NAV3: variants seen among roughly 807,000 people sequenced by gnomAD.
The protein encoded by NAV3 is neuron navigator 3.
In NAV3, 87 loss-of-function variants were observed where a neutral mutation model predicts 244.7. The ratio of observed to expected loss-of-function variants is 0.36; its 90% CI spans 0.30 to 0.42. The LOEUF (loss-of-function observed/expected upper bound fraction) is 0.42, where lower values mean the gene tolerates loss of function less well. Ranked by LOEUF, NAV3 falls within the 20% of genes least tolerant of loss-of-function variation. NAV3 has a pLI of 1.00. For synonymous variants in NAV3, 1,126 were observed against 1,042.2 expected, an observed-to-expected ratio of 1.08 and a Z score of -1.55; for missense variants, 2,663 against 2,893.3, an observed-to-expected ratio of 0.92 and a Z score of 1.83.
At chr12:77,651,541 A>G (rs1260144162) in intron 2 of NAV3, among the ~76,000 whole-genome samples, 1 of 152,130 alleles carries the variant, frequency 6.6e-6, no homozygotes, top group Non-Finnish European at 1.5e-5. Context: ...TAAACCTTGT[A>G]TGTTATTGGT....
chr12:78,200,547 T>A lies in NAV3; in HGVS notation c.6790T>A (p.Ser2264Thr), dbSNP rs753405168. The A allele has an allele frequency of 1.3e-6, 2 of 1,599,140 alleles. No homozygotes were observed. The highest frequency in any genetic ancestry group is 2.3e-5 in the South Asian group (2 of 88,702). The change falls in exon 38 of 40, where the codon TCT becomes ACT. Residue 2264 changes from serine to threonine, a missense_variant. Coordinates refer to ENST00000397909, the MANE Select transcript of NAV3 (RefSeq NM_001024383.2). Reference sequence around the variant, plus strand: ...ATGGTTCATGGATCTCTGGAACTATTCTTTAGTACCTTATATTCTGGAGGC... The same window carrying A: ...ATGGTTCATGGATCTCTGGAACTATACTTTAGTACCTTATATTCTGGAGGC... Reference protein sequence around the residue: ...RVWFMDLWNYSLVPYILEAVR... With the variant: ...RVWFMDLWNYTLVPYILEAVR...
upstream of NAV3, among the ~76,000 whole-genome samples, chr12:77,828,812 T>A (rs1873290490): frequency 6.6e-6 from 1 of 152,220 alleles, no homozygotes. Flanking sequence ...TCTTATTGAA[T>A]GTGAATCCTT....
intron 2 of NAV3, among the ~76,000 whole-genome samples, chr12:77,807,488 A>T (rs1160288677): frequency 2.6e-5 from 4 of 152,226 alleles, no homozygotes; most frequent in African/African-American, 9.6e-5. Flanking sequence ...TTCTGTAAGA[A>T]TATTGAATAT....
At chr12:78,063,139 G>C (rs1292040176) in intron 12 of NAV3, among the ~76,000 whole-genome samples, 1 of 152,130 alleles carries the variant, frequency 6.6e-6, no homozygotes, top group Non-Finnish European at 1.5e-5. Context: ...AAGGAAAAAT[G>C]AGGACTTTCA....
At chr12:77,830,294 G>A (rs1349019674), upstream of NAV3, among the ~76,000 whole-genome samples, 1 of 152,108 alleles carries the variant, frequency 6.6e-6, no homozygotes, top group Admixed American at 6.6e-5. Context: ...TAAAAGACAG[G>A]TTTACAAACT....
chr12:77,670,666 A>G (rs1036943362), intron 2 of NAV3, among the ~76,000 whole-genome samples: 1 of 152,186 alleles, frequency 6.6e-6, no homozygotes, highest in African/African-American at 2.4e-5. Context: ...ACACCGCTTA[A>G]GCAGAATTAA....
At chr12:78,151,070 A>T (rs991488910) in intron 22 of NAV3, among the ~76,000 whole-genome samples, 5 of 151,870 alleles carry the variant, frequency 3.3e-5, no homozygotes, top group African/African-American at 1.2e-4. Context: ...ATTTAAAAAA[A>T]AATAAAAATA....
intron 8 of NAV3, among the ~76,000 whole-genome samples, 180 bp from the exon 9 acceptor site, chr12:78,021,567 G>A (rs1485947219): frequency 6.6e-6 from 1 of 152,080 alleles, no homozygotes; most frequent in Non-Finnish European, 1.5e-5. Flanking sequence ...TCCCACTTAG[G>A]TTGTGTATGA....
chr12:77,870,363 CA>C (rs34447700), intron 1 of NAV3, among the ~76,000 whole-genome samples: 46,336 of 109,228 alleles, frequency 0.42, 8,079 homozygotes, highest in Middle Eastern at 0.56. Context: ...GACTCCATCT[CA>C]AAAAAAAAAA....
At chr12:78,095,501 A>C (rs562162379) in intron 12 of NAV3, among the ~76,000 whole-genome samples, 1 of 152,332 alleles carries the variant, frequency 6.6e-6, no homozygotes, top group Admixed American at 6.5e-5. Flanking sequence ...AACCTTAGGC[A>C]AAGATCAGAC....
chr12:78,097,347 G>T (rs915747616), intron 12 of NAV3, among the ~76,000 whole-genome samples: 1 of 152,144 alleles, frequency 6.6e-6, no homozygotes, highest in Non-Finnish European at 1.5e-5. Context: ...GTTTGTGCTA[G>T]AAAATATAAA....
chr12:78,097,806 T>C (rs1447308514), intron 12 of NAV3, among the ~76,000 whole-genome samples: 1 of 152,164 alleles, frequency 6.6e-6, no homozygotes, highest in Admixed American at 6.5e-5. Flanking sequence ...TTGTTGAGCT[T>C]TATCTAAGCT....
chr12:77,668,595 G>C (rs1377821191), intron 2 of NAV3, among the ~76,000 whole-genome samples: 1 of 151,914 alleles, frequency 6.6e-6, no homozygotes, highest in Non-Finnish European at 1.5e-5. Context: ...AAAGAAAAAA[G>C]AATAAAGAAT....
intron 2 of NAV3, among the ~76,000 whole-genome samples, chr12:77,594,745 A>G (rs1378290669): frequency 6.6e-6 from 1 of 152,238 alleles, no homozygotes; most frequent in Non-Finnish European, 1.5e-5. Context: ...ATACAGTAGA[A>G]TAATCATTTT....
chr12:77,621,225 C>T (rs1303635478), intron 2 of NAV3, among the ~76,000 whole-genome samples: 2 of 152,144 alleles, frequency 1.3e-5, no homozygotes, highest in Non-Finnish European at 2.9e-5. Flanking sequence ...TGTTAAATCC[C>T]ATGGGATAGT....
At chr12:77,764,000 T>A (rs1052297818) in intron 2 of NAV3, among the ~76,000 whole-genome samples, 1 of 152,192 alleles carries the variant, frequency 6.6e-6, no homozygotes, top group Non-Finnish European at 1.5e-5. Context: ...CTCGTTTTCC[T>A]GGTTGTGAAG....
At chr12:78,067,732 C>G (rs1885186526) in intron 12 of NAV3, among the ~76,000 whole-genome samples, 1 of 152,064 alleles carries the variant, frequency 6.6e-6, no homozygotes, top group South Asian at 2.1e-4. Flanking sequence ...AACACTACAA[C>G]TGGCCCAAGT....
intron 2 of NAV3, among the ~76,000 whole-genome samples, chr12:77,669,837 A>G (rs1751506666): frequency 6.6e-6 from 1 of 152,120 alleles, no homozygotes; most frequent in Non-Finnish European, 1.5e-5. Context: ...AAACTATACA[A>G]CAAATGGACT....
chr12:77,897,328 G>C (rs951275462), intron 1 of NAV3, among the ~76,000 whole-genome samples: 5 of 152,174 alleles, frequency 3.3e-5, no homozygotes, highest in Admixed American at 2.6e-4. Context: ...AGCAGTTTCA[G>C]TAAATGATTA....
Sources: gnomAD v4.1 joint callset for allele counts (sites outside exome capture counted in the v4.1 genomes callset) on GRCh38, gnomAD v4.1.1 for gene constraint, MANE v1.5 for transcripts, NCBI Gene and HGNC (gene_info 2026-07-23, HGNC 2026-07-21) for gene names.